Variants in ARHGAP6 observed in about 807,000 individuals in gnomAD.
The protein encoded by ARHGAP6 is rho GTPase-activating protein 6.
In ARHGAP6, 16 loss-of-function variants were observed where a neutral mutation model predicts 55.7. That is an observed-to-expected ratio of 0.29 (90% CI 0.19 to 0.44). The LOEUF (loss-of-function observed/expected upper bound fraction) is 0.44. ARHGAP6 is among the 20% of genes least tolerant of loss of function. The pLI is 1.00. For missense variants in ARHGAP6, 698 were observed against 808.9 expected, an observed-to-expected ratio of 0.86 and a Z score of 1.66; for synonymous variants, 382 against 360.9, an observed-to-expected ratio of 1.06 and a Z score of -0.66.
chrX:11,476,169 G>T (rs929557272), intron 1 of ARHGAP6, among the ~76,000 whole-genome samples: 23 of 110,221 alleles, frequency 2.1e-4, no homozygotes, highest in African/African-American at 7.2e-4. Context: ...ACTTTAAAAA[G>T]CCACTAGAGC....
At chrX:11,271,041 G>A (rs748638670) in intron 1 of ARHGAP6, among the ~76,000 whole-genome samples, 13 of 111,851 alleles carry the variant, frequency 1.2e-4, no homozygotes, top group African/African-American at 3.9e-4. Context: ...AGTGAGGAAC[G>A]CTGAGTTATA....
chrX:11,626,365 A>C (rs1219132170), intron 1 of ARHGAP6, among the ~76,000 whole-genome samples: 1 of 111,872 alleles, frequency 8.9e-6, no homozygotes. Flanking sequence ...ACAGGGTTTT[A>C]TGATCTGTAC....
intron 1 of ARHGAP6, among the ~76,000 whole-genome samples, chrX:11,486,532 A>G (rs1244690969): frequency 8.9e-6 from 1 of 112,170 alleles, no homozygotes; most frequent in African/African-American, 3.2e-5. Flanking sequence ...ATCAGTTATA[A>G]TGTTACATGG....
At chrX:11,341,158 C>G (rs2048701490) in intron 1 of ARHGAP6, among the ~76,000 whole-genome samples, 1 of 111,040 alleles carries the variant, frequency 9.0e-6, no homozygotes, top group Non-Finnish European at 1.9e-5. Context: ...ACTGATAGAA[C>G]CATACCCTCC....
At chrX:11,276,495 T>C (rs1283296189) in intron 1 of ARHGAP6, among the ~76,000 whole-genome samples, 1 of 111,959 alleles carries the variant, frequency 8.9e-6, no homozygotes, top group Non-Finnish European at 1.9e-5. Context: ...TTAAAGTAGC[T>C]AAAATCACTT....
chrX:11,524,016 T>C (rs1448233019), intron 1 of ARHGAP6, among the ~76,000 whole-genome samples: 1 of 111,981 alleles, frequency 8.9e-6, no homozygotes, highest in African/African-American at 3.2e-5. Context: ...TGTAGCTTAT[T>C]AGGGTACTGG....
chrX:11,596,675 T>A (rs2051907483), intron 1 of ARHGAP6, among the ~76,000 whole-genome samples: 1 of 111,791 alleles, frequency 8.9e-6, no homozygotes, highest in African/African-American at 3.3e-5. Flanking sequence ...CCCAAGTCCT[T>A]AGAGAATAAG....
At position 11,142,777 on chromosome X, in the gene ARHGAP6, G is replaced by C. The variant is rs1469728681; in HGVS notation, c.2177-464C>G. ...CCAAGGAATGCAGCAGCTTCTAGAA[G>C]CTAGAAAAGGCAAGAAAACGATTGT... is the stretch of plus-strand genomic sequence containing the variant. On this transcript the variant is annotated intron_variant, in intron 11 of 12. Transcript: ENST00000337414. 8.1e-5 allele frequency: 9 copies of C among 111,750 alleles called. No individual in the cohort carries two copies. The Admixed American group carries it at 8.5e-4, about 11-fold the overall frequency. The allele number at this position is 111,750 out of a possible 1,213,427, so 9.2% of individuals were successfully genotyped here.
intron 1 of ARHGAP6, among the ~76,000 whole-genome samples, chrX:11,485,051 A>C (rs749777208): frequency 9.0e-6 from 1 of 111,715 alleles, no homozygotes; most frequent in East Asian, 2.8e-4. Context: ...AAAAAAACAT[A>C]TCACTCAGGT....
At chrX:11,633,748 T>C (rs920301417) in intron 1 of ARHGAP6, among the ~76,000 whole-genome samples, 1 of 111,823 alleles carries the variant, frequency 8.9e-6, no homozygotes, top group African/African-American at 3.2e-5. Context: ...TTCTGATCTA[T>C]AATGAAGGAA....
chrX:11,171,098 G>A (rs1405432475), intron 8 of ARHGAP6, among the ~76,000 whole-genome samples: 1 of 111,343 alleles, frequency 9.0e-6, no homozygotes, highest in Non-Finnish European at 1.9e-5. Context: ...GGAGGAAGAA[G>A]AAATGTAGGA....
At chrX:11,310,691 T>A (rs923569263) in intron 1 of ARHGAP6, among the ~76,000 whole-genome samples, 2 of 112,137 alleles carry the variant, frequency 1.8e-5, no homozygotes, top group East Asian at 5.6e-4. Context: ...TTTACCTATG[T>A]GTTTTGGCAG....
chrX:11,533,500 T>A (rs2051073438), intron 1 of ARHGAP6, among the ~76,000 whole-genome samples: 1 of 112,453 alleles, frequency 8.9e-6, no homozygotes, highest in African/African-American at 3.2e-5. Context: ...ACCTACTTTA[T>A]ACTCGTTATT....
At chrX:11,326,934 A>G (rs1406554321) in intron 1 of ARHGAP6, among the ~76,000 whole-genome samples, 2 of 111,784 alleles carry the variant, frequency 1.8e-5, no homozygotes, top group Non-Finnish European at 3.8e-5. Context: ...AAATAATGTC[A>G]TAGACTTGAC....
intron 2 of ARHGAP6, among the ~76,000 whole-genome samples, chrX:11,197,922 A>T: frequency 8.9e-6 from 1 of 111,867 alleles, no homozygotes; most frequent in South Asian, 3.8e-4. Flanking sequence ...CAGAATCCAC[A>T]CTGTGATCAA....
At chrX:11,416,209 C>T (rs939754963) in intron 1 of ARHGAP6, among the ~76,000 whole-genome samples, 1 of 111,452 alleles carries the variant, frequency 9.0e-6, no homozygotes, top group African/African-American at 3.3e-5. Flanking sequence ...ACTACATGAG[C>T]CTTTGATCCT....
At chrX:11,254,743 G>C (rs1384497724) in intron 1 of ARHGAP6, 36 bp from the exon 2 acceptor site, 2 of 988,300 alleles carry the variant, frequency 2.0e-6, no homozygotes, top group Non-Finnish European at 1.3e-6. Flanking sequence ...AAAAAATCAA[G>C]AGTTACAGAG....
chrX:11,503,880 A>C lies in ARHGAP6; in HGVS notation c.588+160361T>G, dbSNP rs780767996. Reference sequence around the variant, plus strand: ...CACACACAAAGAGACACACATACACACACACAAACACATGCACACACACAT... The same window carrying C: ...CACACACAAAGAGACACACATACACCCACACAAACACATGCACACACACAT... On this transcript the variant is annotated intron_variant, in intron 1 of 12. Coordinates refer to ENST00000337414, the MANE Select transcript of ARHGAP6 (RefSeq NM_013427.3). Among the ~76,000 whole-genome samples the C allele has an allele frequency of 1.8e-3, 199 of 111,648 alleles. 1 individual carries two copies. The highest frequency in any genetic ancestry group is 2.5e-3 in the Non-Finnish European group (132 of 53,158).
chrX:11,238,636 G>A (rs1262723540), intron 2 of ARHGAP6, among the ~76,000 whole-genome samples: 1 of 112,465 alleles, frequency 8.9e-6, no homozygotes, highest in Non-Finnish European at 1.9e-5. Context: ...AGTGGAATGA[G>A]CTGCCTCAAA....
Sources: allele counts gnomAD v4.1 joint callset (sites outside exome capture counted in the v4.1 genomes callset), GRCh38; gene constraint gnomAD v4.1.1; transcripts MANE v1.5; gene names NCBI Gene and HGNC (gene_info 2026-07-23, HGNC 2026-07-21).